Variants in ERICH1 observed in about 807,000 individuals in gnomAD.
The protein encoded by ERICH1 is glutamate-rich protein 1.
ERICH1 carries 56 observed loss-of-function variants against 39.6 expected under a neutral mutation model. The ratio of observed to expected loss-of-function variants is 1.41; its 90% CI spans 1.14 to 1.77. The LOEUF is 1.77. Ranked by LOEUF, ERICH1 falls within the 40% of genes most tolerant of loss-of-function variation. The pLI, the probability that ERICH1 is intolerant of heterozygous loss-of-function variation, is 0.00. For synonymous variants in ERICH1, 313 were observed against 223.6 expected, an observed-to-expected ratio of 1.40 and a Z score of -3.57; for missense variants, 826 against 575.4, an observed-to-expected ratio of 1.44 and a Z score of -4.45.
chr8:716,986 T>A (rs982206581), intron 1 of ERICH1, among the ~76,000 whole-genome samples: 2 of 152,212 alleles, frequency 1.3e-5, no homozygotes, highest in African/African-American at 4.8e-5. Context: ...AAGAACACTA[T>A]GTGGGTTTCC....
At chr8:708,475 A>AAG (rs1321328345) in intron 2 of ERICH1, among the ~76,000 whole-genome samples, 3 of 152,172 alleles carry the variant, frequency 2.0e-5, no homozygotes, top group African/African-American at 7.2e-5. Context: ...TTAAAAAAGA[A>AAG]AGTTAGTTCT....
intron 3 of ERICH1, among the ~76,000 whole-genome samples, chr8:622,559 C>G (rs1051128650): frequency 8.5e-5 from 13 of 152,182 alleles, no homozygotes; most frequent in Non-Finnish European, 1.6e-4. Context: ...ATAAATTCTG[C>G]TGTTTATAAA....
intron 4 of ERICH1, among the ~76,000 whole-genome samples, chr8:670,093 G>C (rs914284898): frequency 6.6e-6 from 1 of 151,970 alleles, no homozygotes; most frequent in African/African-American, 2.4e-5. Context: ...TGCATTCTGG[G>C]GACTTTCTTT....
intron 3 of ERICH1, among the ~76,000 whole-genome samples, chr8:689,364 GC>G (rs1585329862): frequency 6.6e-6 from 1 of 152,236 alleles, no homozygotes; most frequent in East Asian, 1.9e-4. Flanking sequence ...GCCTGCCTTG[GC>G]CTCCCAAAGT....
intron 3 of ERICH1, among the ~76,000 whole-genome samples, chr8:636,429 T>G (rs1241886169): frequency 6.6e-6 from 1 of 152,240 alleles, no homozygotes; most frequent in African/African-American, 2.4e-5. Flanking sequence ...GAAAATACTC[T>G]TAGCTGTTCC....
chr8:675,772 A>G (rs866610377), intron 3 of ERICH1, among the ~76,000 whole-genome samples: 15 of 1,488 alleles, frequency 0.01, no homozygotes, highest in African/African-American at 0.018. Flanking sequence ...GAGGACAGAG[A>G]CGCGGCGGCC....
At position 673,806 on chromosome 8, in the gene ERICH1, C is replaced by T. The variant is rs1804032530; in HGVS notation, c.546G>A (p.Lys182=). 1 of 1,614,070 alleles carries T rather than the reference C, an allele frequency of 6.2e-7. No individual in the cohort carries two copies. The highest frequency in any genetic ancestry group is 1.3e-5 in the African/African-American group (1 of 74,952). ...KRKKAAGLAA[K]AAGVSFMYQP... Reference sequence around the variant, plus strand: ...GGTACATGAAACTGACACCAGCAGCCTTTGCTGCCAAGCCGGCTGCTTTCT... The same window carrying T: ...GGTACATGAAACTGACACCAGCAGCTTTTGCTGCCAAGCCGGCTGCTTTCT... Residue 182 remains lysine, a synonymous_variant, in exon 4 of 6, where the codon AAG becomes AAA. Coordinates refer to ENST00000262109, the MANE Select transcript of ERICH1 (RefSeq NM_207332.3).
chr8:623,031 C>CA (rs988404904), intron 3 of ERICH1, among the ~76,000 whole-genome samples: 1 of 151,746 alleles, frequency 6.6e-6, no homozygotes, highest in Admixed American at 6.6e-5. Flanking sequence ...CCAATCCTAC[C>CA]AAAAAAACAG....
chr8:616,574 A>C (rs1334616295), intron 3 of ERICH1: 1 of 455,854 alleles, frequency 2.2e-6, no homozygotes, highest in African/African-American at 2.0e-5. Context: ...AAACAGATCA[A>C]GTCAGGGCTG....
In ERICH1 at chr8:656,096, C is replaced by T. The variant is rs550066220; in HGVS notation, c.976+12502G>A. On this transcript the variant is annotated intron_variant, in intron 3 of 3. Coordinates refer to the ERICH1 transcript ENST00000522706. ...GACCTGCCCGCCAGGTCTGAACTGC[C>T]TGTGACCACAGCCATTCCCAGGTCT... Among the ~76,000 whole-genome samples the T allele has an allele frequency of 4.0e-3, 612 of 152,294 alleles. 1 individual carries two copies. The highest frequency in any genetic ancestry group is 7.2e-3 in the Non-Finnish European group (491 of 68,026).
intron 3 of ERICH1, among the ~76,000 whole-genome samples, chr8:651,844 G>A (rs1799994596): frequency 6.6e-6 from 1 of 152,130 alleles, no homozygotes. Flanking sequence ...TGAGGAAAGG[G>A]ACTGACTTCA....
chr8:624,114 T>C (rs1037535238), intron 3 of ERICH1, among the ~76,000 whole-genome samples: 2 of 152,174 alleles, frequency 1.3e-5, no homozygotes, highest in African/African-American at 4.8e-5. Context: ...AAAGAAGTCA[T>C]GCAAATGGCC....
At chr8:643,808 G>C (rs1018579053) in intron 3 of ERICH1, among the ~76,000 whole-genome samples, 1 of 152,200 alleles carries the variant, frequency 6.6e-6, no homozygotes, top group African/African-American at 2.4e-5. Flanking sequence ...TTTTATTGTA[G>C]TGAGGAAGCA....
intron 2 of ERICH1, among the ~76,000 whole-genome samples, chr8:703,093 A>T (rs917575411): frequency 2.6e-5 from 4 of 152,188 alleles, no homozygotes; most frequent in Admixed American, 2.6e-4. Context: ...CCACCTTCCG[A>T]ATTTCAGGCA....
intron 1 of ERICH1, among the ~76,000 whole-genome samples, chr8:724,004 T>C (rs1817965776): frequency 6.6e-6 from 1 of 152,166 alleles, no homozygotes; most frequent in African/African-American, 2.4e-5. Flanking sequence ...GAAAAATAAT[T>C]GGCTAATACT....
At chr8:650,713 G>A (rs940735163) in intron 3 of ERICH1, among the ~76,000 whole-genome samples, 1 of 152,216 alleles carries the variant, frequency 6.6e-6, no homozygotes, top group African/African-American at 2.4e-5. Flanking sequence ...TGAAGAGGGT[G>A]CAGCCACCCC....
At chr8:709,042 T>C (rs1311608446) in intron 2 of ERICH1, among the ~76,000 whole-genome samples, 1 of 152,092 alleles carries the variant, frequency 6.6e-6, no homozygotes. Context: ...TAGATGGTGG[T>C]AATGGAATGG....
chr8:679,736 G>A (rs1805693352), intron 3 of ERICH1, among the ~76,000 whole-genome samples: 1 of 152,360 alleles, frequency 6.6e-6, no homozygotes, highest in African/African-American at 2.4e-5. Flanking sequence ...TTCTCCAACA[G>A]GTCCTGTGAC....
chr8:727,322 G>C (rs1819000511), intron 1 of ERICH1, among the ~76,000 whole-genome samples: 1 of 152,212 alleles, frequency 6.6e-6, no homozygotes, highest in South Asian at 2.1e-4. Context: ...AGAGCTGCAG[G>C]AACTGGCACC....
Sources: gnomAD v4.1 joint callset for allele counts (sites outside exome capture counted in the v4.1 genomes callset) on GRCh38, gnomAD v4.1.1 for gene constraint, MANE v1.5 for transcripts, NCBI Gene and HGNC (gene_info 2026-07-23, HGNC 2026-07-21) for gene names.